FAM227B: variants seen among roughly 807,000 people sequenced by gnomAD.
The protein encoded by FAM227B is protein FAM227B.
Under a neutral mutation model 73.8 loss-of-function variants are expected in FAM227B, and 88 were observed. That is an observed-to-expected ratio of 1.19 (90% CI 1.00 to 1.42). The LOEUF is 1.42. Among genes scored for constraint, FAM227B ranks in the 40% most tolerant of loss-of-function variants. FAM227B has a pLI of 0.00. For synonymous variants in FAM227B, 210 were observed against 190.5 expected (o/e 1.10, Z -0.84); for missense variants, 632 against 590.9 (o/e 1.07, Z -0.72).
intron 13 of FAM227B, chr15:49,366,731 T>C (rs8034112): frequency 0.38 from 379,140 of 1,002,656 alleles, 72,649 homozygotes; most frequent in African/African-American, 0.45. Flanking sequence ...GCTCACTAGG[T>C]GGGGTAGGCT....
chr15:49,524,627 G>A (rs528927149), intron 10 of FAM227B, among the ~76,000 whole-genome samples: 1 of 152,234 alleles, frequency 6.6e-6, no homozygotes, highest in South Asian at 2.1e-4. Context: ...CAGAATGGTA[G>A]ATCCACTGAC....
chr15:49,506,281 T>C (rs2058576502), intron 11 of FAM227B, among the ~76,000 whole-genome samples: 2 of 152,064 alleles, frequency 1.3e-5, no homozygotes, highest in Non-Finnish European at 2.9e-5. Context: ...CAGGCCAATG[T>C]AGTCTCTGTC....
At chr15:49,565,193 C>A (rs1004411838) in intron 9 of FAM227B, among the ~76,000 whole-genome samples, 5 of 151,722 alleles carry the variant, frequency 3.3e-5, no homozygotes, top group African/African-American at 1.2e-4. Flanking sequence ...AACAGTGTGG[C>A]CAATATGGTG....
rs116592158 is a variant in FAM227B, at chr15:49,580,700, G to A, written c.406-3036C>T. On this transcript the variant is annotated intron_variant, in intron 5 of 15. Coordinates refer to ENST00000299338, the MANE Select transcript of FAM227B (RefSeq NM_152647.3). ...TAGAAATAAAGATCATGAAAATTCA[G>A]AAGAAACTGAAACCAACTCCAAAGA... 3.6e-3 allele frequency among the ~76,000 whole-genome samples: 545 copies of A among 152,228 alleles called. 3 individuals are homozygous for A. Among genetic ancestry groups the A allele is most frequent in the African/African-American group, 0.012 (515 of 41,540 alleles).
chr15:49,417,036 C>G (rs1397022691), intron 11 of FAM227B, among the ~76,000 whole-genome samples: 1 of 152,118 alleles, frequency 6.6e-6, no homozygotes, highest in African/African-American at 2.4e-5. Flanking sequence ...CTAAAGAAAA[C>G]TAGTTTAAAA....
At chr15:49,417,592 C>T (rs112191908) in intron 11 of FAM227B, among the ~76,000 whole-genome samples, 3,652 of 152,184 alleles carry the variant, frequency 0.024, 89 homozygotes, top group South Asian at 0.13. Context: ...ATTCAATAAA[C>T]GGTGCTGGGA....
At chr15:49,520,149 G>A (rs2059679197) in intron 10 of FAM227B, among the ~76,000 whole-genome samples, 1 of 152,126 alleles carries the variant, frequency 6.6e-6, no homozygotes, top group South Asian at 2.1e-4. Context: ...GAACACTTTT[G>A]CTCCAGTTTC....
At chr15:49,442,485 T>A (rs188529498) in intron 11 of FAM227B, among the ~76,000 whole-genome samples, 8 of 151,834 alleles carry the variant, frequency 5.3e-5, no homozygotes, top group Non-Finnish European at 1.5e-5. Flanking sequence ...TGTATTCTCC[T>A]AGACTTTAGA....
chr15:49,349,494 C>A (rs182104351), intron 13 of FAM227B, among the ~76,000 whole-genome samples: 2 of 152,060 alleles, frequency 1.3e-5, no homozygotes, highest in African/African-American at 4.8e-5. Context: ...CTATGCCTTG[C>A]CAATATTTTT....
At chr15:49,448,055 T>C (rs2052386522) in intron 11 of FAM227B, among the ~76,000 whole-genome samples, 3 of 151,814 alleles carry the variant, frequency 2.0e-5, no homozygotes, top group African/African-American at 7.2e-5. Context: ...TACAGATTTA[T>C]AATCAGTAAA....
intron 13 of FAM227B, among the ~76,000 whole-genome samples, chr15:49,357,140 C>T (rs1375359481): frequency 1.3e-5 from 2 of 150,012 alleles, no homozygotes; most frequent in East Asian, 4.0e-4. Context: ...CAGGAAAGAT[C>T]CAAAATTGAC....
At chr15:49,411,259 T>C (rs1273307385) in intron 11 of FAM227B, among the ~76,000 whole-genome samples, 1 of 152,040 alleles carries the variant, frequency 6.6e-6, no homozygotes, top group Non-Finnish European at 1.5e-5. Flanking sequence ...GAAAAAAAGA[T>C]GATTTCTCAT....
intron 11 of FAM227B, among the ~76,000 whole-genome samples, chr15:49,416,279 A>G (rs934206006): frequency 9.2e-5 from 14 of 151,922 alleles, no homozygotes; most frequent in African/African-American, 3.4e-4. Flanking sequence ...GGCACCGAGT[A>G]TCTATTTGAT....
chr15:49,497,598 G>A (rs2057739326), intron 11 of FAM227B, among the ~76,000 whole-genome samples: 1 of 152,218 alleles, frequency 6.6e-6, no homozygotes, highest in Non-Finnish European at 1.5e-5. Flanking sequence ...GGAGAAATAT[G>A]AGATGCTCAA....
intron 11 of FAM227B, among the ~76,000 whole-genome samples, chr15:49,380,934 G>A (rs2046488560): frequency 6.6e-6 from 1 of 152,144 alleles, no homozygotes; most frequent in Non-Finnish European, 1.5e-5. Context: ...TTGGATTATG[G>A]TTCTGCGGGA....
intron 11 of FAM227B, among the ~76,000 whole-genome samples, chr15:49,405,725 C>T (rs992623423): frequency 6.6e-6 from 1 of 152,242 alleles, no homozygotes. Flanking sequence ...CATTTCTATC[C>T]ATATTCTGAA....
chr15:49,466,075 G>A (rs2054243694), intron 11 of FAM227B, among the ~76,000 whole-genome samples: 2 of 152,176 alleles, frequency 1.3e-5, no homozygotes. Flanking sequence ...ACAGCAGTAT[G>A]TTCTTAAAGT....
At chr15:49,574,880 G>A (rs986658756) in intron 8 of FAM227B, 131 bp downstream of exon 8, 2 of 520,798 alleles carry the variant, frequency 3.8e-6, no homozygotes, top group African/African-American at 2.0e-5. Flanking sequence ...GATTTCTAAT[G>A]TGTGGAATGC....
chr15:49,427,095 A>G (rs956836860), intron 11 of FAM227B, among the ~76,000 whole-genome samples: 5 of 152,006 alleles, frequency 3.3e-5, no homozygotes, highest in African/African-American at 1.2e-4. Context: ...GAAAATTCTG[A>G]TAGCCATTTC....
Sources: gnomAD v4.1 joint callset for allele counts (sites outside exome capture counted in the v4.1 genomes callset) on GRCh38, gnomAD v4.1.1 for gene constraint, MANE v1.5 for transcripts, NCBI Gene and HGNC (gene_info 2026-07-23, HGNC 2026-07-21) for gene names.